TSHZ2: variants seen among roughly 807,000 people sequenced by gnomAD.
The protein encoded by TSHZ2 is teashirt zinc finger homeobox 2.
In TSHZ2, 21 loss-of-function variants were observed where a neutral mutation model predicts 74.4. The ratio of observed to expected loss-of-function variants is 0.28; its 90% confidence interval spans 0.20 to 0.41. The LOEUF (loss-of-function observed/expected upper bound fraction) is 0.41, where lower values mean the gene tolerates loss of function less well. Among genes scored for constraint, TSHZ2 ranks in the 10% least tolerant of loss-of-function variants. The pLI is 1.00. For synonymous variants in TSHZ2, 540 were observed against 515.3 expected (o/e 1.05, Z -0.65); for missense variants, 1,244 against 1,293.5 (o/e 0.96, Z 0.59).
intron 2 of TSHZ2, among the ~76,000 whole-genome samples, chr20:53,326,866 G>A (rs554507843): frequency 2.0e-5 from 3 of 152,272 alleles, no homozygotes; most frequent in South Asian, 2.1e-4. Flanking sequence ...GCAAACTGGC[G>A]AAAATTAGCA....
At chr20:53,143,691 C>CA (rs1471197292) in intron 1 of TSHZ2, among the ~76,000 whole-genome samples, 1 of 151,450 alleles carries the variant, frequency 6.6e-6, no homozygotes. Context: ...GACTCCGTCT[C>CA]AAAAAAATAA....
At chr20:53,258,987 A>C (rs16997823) in intron 2 of TSHZ2, among the ~76,000 whole-genome samples, 95 of 152,290 alleles carry the variant, frequency 6.2e-4, no homozygotes, top group African/African-American at 2.2e-3. Flanking sequence ...ATCTGCCTGA[A>C]TGTTTCCCCC....
chr20:53,207,318 GT>G (rs1200029537), intron 1 of TSHZ2, among the ~76,000 whole-genome samples: 1 of 152,036 alleles, frequency 6.6e-6, no homozygotes, highest in Non-Finnish European at 1.5e-5. Context: ...GGGAGTTGTT[GT>G]TTTTTTCAGG....
At chr20:53,279,921 GC>G (rs2145433613) in intron 2 of TSHZ2, among the ~76,000 whole-genome samples, 1 of 152,298 alleles carries the variant, frequency 6.6e-6, no homozygotes, top group South Asian at 2.1e-4. Context: ...AAGTGCAAAG[GC>G]CCTGAGGCAA....
Position 53,350,420 on chromosome 20 carries a change from C to T in TSHZ2, c.*8+93849C>T, listed in dbSNP as rs909596891. ...CGGTGAAGTCTCCTGTAGTTCTCTT[C>T]CTCAGTGGCTTTGTAAGGATTTTGT... is the stretch of plus-strand genomic sequence containing the variant. On this transcript the variant is annotated intron_variant, in intron 2 of 2. Transcript: ENST00000371497. 2.0e-5 allele frequency among the ~76,000 whole-genome samples: 3 copies of T among 152,230 alleles called. No homozygotes were observed. In the South Asian group the frequency reaches 6.2e-4, roughly 31 times the overall value.
At chr20:53,461,276 T>A (rs539350210) in intron 2 of TSHZ2, among the ~76,000 whole-genome samples, 4 of 152,162 alleles carry the variant, frequency 2.6e-5, no homozygotes, top group East Asian at 1.9e-4. Flanking sequence ...AGAAAAGCGC[T>A]GTATTCGGGT....
chr20:53,036,660 G>A (rs942290609), intron 1 of TSHZ2, among the ~76,000 whole-genome samples: 1 of 136,540 alleles, frequency 7.3e-6, no homozygotes, highest in African/African-American at 2.8e-5. Context: ...TATTATATAT[G>A]ATATTTATAA....
intron 1 of TSHZ2, among the ~76,000 whole-genome samples, chr20:53,166,413 T>C (rs1050693461): frequency 6.6e-6 from 1 of 151,474 alleles, no homozygotes; most frequent in Non-Finnish European, 1.5e-5. Context: ...AGGCCAGGAG[T>C]TTGAGACCAA....
rs1600769870 is a variant in TSHZ2 at position 53,254,145 on chromosome 20, G to A, written c.687G>A (p.Glu229=). 3.1e-6 allele frequency: 5 copies of A among 1,614,098 alleles called. No individual in the cohort carries two copies. Among genetic ancestry groups the A allele is most frequent in the East Asian group, 2.2e-5 (1 of 44,872 alleles). ...QCSAAYDTLV[E]LTVHMNETGH... ...GCGCGGCCTATGACACCCTAGTCGA[G>A]CTGACTGTGCACATGAATGAAACGG... The change falls in exon 2 of 3, where the codon GAG becomes GAA. Residue 229 remains glutamate, a synonymous_variant. Transcript: ENST00000371497.
rs36023108 is a variant in TSHZ2, at chr20:53,410,749, C to T, written c.*9-76395C>T. 5.8e-3 allele frequency among the ~76,000 whole-genome samples: 880 copies of T among 150,990 alleles called. 1 individual carries two copies. Among genetic ancestry groups the T allele is most frequent in the Non-Finnish European group, 8.2e-3 (558 of 67,876 alleles). On this transcript the variant is annotated intron_variant, in intron 2 of 2. Transcript: ENST00000371497. ...GGAGTGCAGTGGAACTATCTAGGCTCACTGCAGCCTCTGCCTCCCAAGTTC... is the reference window on the plus strand; with the variant it reads ...GGAGTGCAGTGGAACTATCTAGGCTTACTGCAGCCTCTGCCTCCCAAGTTC...
At chr20:53,203,195 T>C (rs998486919) in intron 1 of TSHZ2, among the ~76,000 whole-genome samples, 2 of 149,580 alleles carry the variant, frequency 1.3e-5, no homozygotes, top group South Asian at 2.2e-4. Flanking sequence ...ACTCAAATTT[T>C]TTTTTTTTTT....
At chr20:53,356,129 T>C (rs2145595150) in intron 2 of TSHZ2, among the ~76,000 whole-genome samples, 1 of 152,320 alleles carries the variant, frequency 6.6e-6, no homozygotes, top group South Asian at 2.1e-4. Context: ...AGATTTTAAT[T>C]GATGCTATGA....
intron 2 of TSHZ2, among the ~76,000 whole-genome samples, chr20:53,299,913 TAAAAAGTAAAATAAAATA>T (rs1991449256): frequency 6.6e-6 from 1 of 152,206 alleles, no homozygotes; most frequent in South Asian, 2.1e-4. Context: ...CTTTAAAACT[TAAAAAGTAAAATAAAATA>T]AAAAAGTAAA....
chr20:53,050,208 T>C (rs1358302600), intron 1 of TSHZ2, among the ~76,000 whole-genome samples: 1 of 147,928 alleles, frequency 6.8e-6, no homozygotes, highest in African/African-American at 2.5e-5. Context: ...TATGTATGTA[T>C]ATATATGAAT....
intron 2 of TSHZ2, among the ~76,000 whole-genome samples, chr20:53,409,029 C>A (rs1982947628): frequency 6.6e-6 from 1 of 152,188 alleles, no homozygotes; most frequent in Non-Finnish European, 1.5e-5. Flanking sequence ...TTAGGACGTG[C>A]ACTGTTTGAT....
intron 2 of TSHZ2, among the ~76,000 whole-genome samples, chr20:53,271,303 A>G (rs1990832837): frequency 6.6e-6 from 1 of 152,194 alleles, no homozygotes; most frequent in Non-Finnish European, 1.5e-5. Context: ...TTTGAACCTC[A>G]GCTGTCTCTT....
chr20:53,385,448 C>G (rs1982009684), intron 2 of TSHZ2, among the ~76,000 whole-genome samples: 1 of 152,104 alleles, frequency 6.6e-6, no homozygotes, highest in Non-Finnish European at 1.5e-5. Context: ...ATCACTCACG[C>G]CTCCCTCGGT....
At chr20:53,294,582 AG>A (rs1991341271) in intron 2 of TSHZ2, among the ~76,000 whole-genome samples, 1 of 151,524 alleles carries the variant, frequency 6.6e-6, no homozygotes, top group Non-Finnish European at 1.5e-5. Flanking sequence ...ATAAGTTTTT[AG>A]TTCTTCTGTC....
chr20:53,286,794 T>A (rs1991175417), intron 2 of TSHZ2, among the ~76,000 whole-genome samples: 1 of 151,886 alleles, frequency 6.6e-6, no homozygotes, highest in Non-Finnish European at 1.5e-5. Context: ...CTTGGGAGGA[T>A]CACTTAATCC....
Sources: allele counts gnomAD v4.1 joint callset (sites outside exome capture counted in the v4.1 genomes callset), GRCh38; gene constraint gnomAD v4.1.1; transcripts MANE v1.5; gene names NCBI Gene and HGNC (gene_info 2026-07-23, HGNC 2026-07-21).